The following MEOX2 variants were observed in gnomAD, a reference collection of about 807,000 sequenced individuals.
MEOX2 encodes the protein mesenchyme homeobox 2, also known as homeobox protein MOX-2.
In MEOX2, 11 loss-of-function variants were observed where a neutral mutation model predicts 27.0. The observed-to-expected ratio is 0.41, with a 90% CI of 0.26 to 0.68. The LOEUF is 0.68. Ranked by LOEUF, MEOX2 falls within the 30% of genes least tolerant of loss-of-function variation. MEOX2 has a pLI of 0.33. For synonymous variants in MEOX2, 189 were observed against 155.4 expected (o/e 1.22, Z -1.61); for missense variants, 436 against 385.4 (o/e 1.13, Z -1.10).
chr7:15,679,850 A>G (rs1262604401), intron 1 of MEOX2: 1 of 151,996 alleles, frequency 6.6e-6, no homozygotes, highest in African/African-American at 2.4e-5. Context: ...TAGATACAGT[A>G]CGGATTCTAC....
intron 2 of MEOX2, among the ~76,000 whole-genome samples, chr7:15,619,834 A>G (rs1392121380): frequency 2.0e-5 from 3 of 151,964 alleles, no homozygotes; most frequent in African/African-American, 4.8e-5. Flanking sequence ...AAATATTTAC[A>G]TTTATTAGGG....
At chr7:15,664,003 A>C (rs1207307210) in intron 1 of MEOX2, among the ~76,000 whole-genome samples, 1 of 152,192 alleles carries the variant, frequency 6.6e-6, no homozygotes, top group Non-Finnish European at 1.5e-5. Context: ...AGAGAAAGAA[A>C]ATTTTGAGTT....
intron 2 of MEOX2, 118 bp downstream of exon 2, chr7:15,626,628 T>C (rs919792834): frequency 6.0e-6 from 4 of 668,492 alleles, no homozygotes; most frequent in Non-Finnish European, 1.0e-5. Context: ...TGGAATAGTA[T>C]AACTGTCTTC....
At chr7:15,666,782 ATATATAT>A in intron 1 of MEOX2, among the ~76,000 whole-genome samples, 1 of 37,342 alleles carries the variant, frequency 2.7e-5, no homozygotes, top group Non-Finnish European at 5.7e-5. Flanking sequence ...AAAAAAAAAT[ATATATAT>A]ATATATATAT....
At chr7:15,631,627 T>A (rs990094922) in intron 1 of MEOX2, among the ~76,000 whole-genome samples, 1 of 151,796 alleles carries the variant, frequency 6.6e-6, no homozygotes, top group Non-Finnish European at 1.5e-5. Flanking sequence ...CACTCATTCT[T>A]AAAATGAGAT....
At chr7:15,636,771 A>T (rs1781484986) in intron 1 of MEOX2, among the ~76,000 whole-genome samples, 1 of 152,162 alleles carries the variant, frequency 6.6e-6, no homozygotes, top group Non-Finnish European at 1.5e-5. Context: ...ATTTCCTACA[A>T]TCCTAGAGGC....
intron 1 of MEOX2, among the ~76,000 whole-genome samples, chr7:15,672,458 A>G (rs1782115249): frequency 6.6e-6 from 1 of 152,256 alleles, no homozygotes; most frequent in Non-Finnish European, 1.5e-5. Context: ...TTAAAAATAT[A>G]GACATCTTAC....
At chr7:15,621,624 CAT>C (rs1781224119) in intron 2 of MEOX2, among the ~76,000 whole-genome samples, 1 of 152,132 alleles carries the variant, frequency 6.6e-6, no homozygotes, top group Non-Finnish European at 1.5e-5. Flanking sequence ...CTTCATGACA[CAT>C]ATATGAGTCA....
At chr7:15,635,087 A>C (rs918650979) in intron 1 of MEOX2, among the ~76,000 whole-genome samples, 4 of 151,958 alleles carry the variant, frequency 2.6e-5, no homozygotes, top group African/African-American at 9.7e-5. Flanking sequence ...ATAAATATTA[A>C]CTTTGTAGGC....
At chr7:15,619,637 GAT>G (rs1442758344) in intron 2 of MEOX2, among the ~76,000 whole-genome samples, 2 of 151,732 alleles carry the variant, frequency 1.3e-5, no homozygotes, top group African/African-American at 2.4e-5. Flanking sequence ...CATATACACA[GAT>G]ATGTGTGTGT....
chr7:15,686,093 C>T lies in MEOX2; in HGVS notation c.310G>A (p.Ala104Thr). The change falls in exon 1 of 3, where the codon GCT becomes ACT. Residue 104 changes from alanine (A) to threonine (T), a missense_variant. By Grantham distance (58) the Ala-to-Thr change is moderately conservative. Coordinates refer to ENST00000262041, the MANE Select transcript of MEOX2 (RefSeq NM_005924.5). ...LPQMSSPPSA[A>T]RHSLCLQPDS... Reference sequence around the variant, plus strand: ...GGCTGGAGGCAGAGGCTGTGCCGAGCCGCACTCGGTGGGGAAGACATCTGC... The same window carrying T: ...GGCTGGAGGCAGAGGCTGTGCCGAGTCGCACTCGGTGGGGAAGACATCTGC... 2 of 1,587,322 alleles carry T rather than the reference C, an allele frequency of 1.3e-6. No individual in the cohort carries two copies. The highest frequency in any genetic ancestry group is 8.6e-7 in the Non-Finnish European group (1 of 1,168,548).
intron 2 of MEOX2, among the ~76,000 whole-genome samples, chr7:15,616,846 G>A (rs1235631422): frequency 6.6e-6 from 1 of 151,920 alleles, no homozygotes; most frequent in African/African-American, 2.4e-5. Context: ...TTAGATCAAA[G>A]ATGGGAGGTG....
intron 1 of MEOX2, among the ~76,000 whole-genome samples, chr7:15,628,899 T>C (rs1042836792): frequency 6.6e-6 from 1 of 152,098 alleles, no homozygotes. Context: ...AATATTCAGA[T>C]AGCAAGACCT....
rs143930562 is a variant in MEOX2, at chr7:15,641,655, G to A, written c.518-14737C>T. On this transcript the variant is annotated intron_variant, in intron 1 of 2. Coordinates refer to ENST00000262041, the MANE Select transcript of MEOX2 (RefSeq NM_005924.5). ...TATGGGAGGTTTTGTTCCTCTAATA[G>A]TGTTGTTAGATAGTTGCTTTGTAGT... Among the ~76,000 whole-genome samples the A allele has an allele frequency of 7.8e-4, 118 of 152,200 alleles. 1 individual carries two copies. Among genetic ancestry groups the A allele is most frequent in the African/African-American group, 2.4e-3 (99 of 41,550 alleles).
At chr7:15,636,751 C>A (rs1045412935) in intron 1 of MEOX2, among the ~76,000 whole-genome samples, 1 of 152,000 alleles carries the variant, frequency 6.6e-6, no homozygotes. Context: ...TTTTAAAAAA[C>A]CAGAAATTTA....
chr7:15,625,897 T>A (rs1388365635), intron 2 of MEOX2, among the ~76,000 whole-genome samples: 1 of 152,178 alleles, frequency 6.6e-6, no homozygotes, highest in Non-Finnish European at 1.5e-5. Flanking sequence ...TAGGTCTCAT[T>A]AATTGGAGTC....
At chr7:15,625,258 A>C (rs933509966) in intron 2 of MEOX2, among the ~76,000 whole-genome samples, 9 of 152,306 alleles carry the variant, frequency 5.9e-5, no homozygotes, top group Admixed American at 1.3e-4. Context: ...TTTAAAAAAA[A>C]TAATAAAATA....
intron 1 of MEOX2, among the ~76,000 whole-genome samples, chr7:15,683,499 G>A (rs1201954848): frequency 1.3e-5 from 2 of 151,944 alleles, no homozygotes; most frequent in African/African-American, 4.8e-5. Flanking sequence ...CGTATTAATA[G>A]CATACCAGGA....
chr7:15,646,673 G>T (rs1781655270), intron 1 of MEOX2, among the ~76,000 whole-genome samples: 2 of 151,982 alleles, frequency 1.3e-5, no homozygotes, highest in Non-Finnish European at 2.9e-5. Context: ...AATGGAAGAA[G>T]TCTCCATAAT....
Sources: allele counts gnomAD v4.1 joint callset (sites outside exome capture counted in the v4.1 genomes callset), GRCh38; gene constraint gnomAD v4.1.1; transcripts MANE v1.5; gene names NCBI Gene and HGNC (gene_info 2026-07-23, HGNC 2026-07-21).